The following SCN10A variants were observed in gnomAD, a reference collection of about 807,000 sequenced individuals.
The protein encoded by SCN10A is sodium voltage-gated channel alpha subunit 10.
In SCN10A, 162 loss-of-function variants were observed where a neutral mutation model predicts 170.7. The observed-to-expected ratio is 0.95, with a 90% CI of 0.84 to 1.08. SCN10A has a LOEUF of 1.08. Ranked by LOEUF, SCN10A falls within the 50% of genes least tolerant of loss-of-function variation. The pLI is 0.00. For missense variants in SCN10A, 2,527 were observed against 2,436.9 expected (o/e 1.04, Z -0.78); for synonymous variants, 985 against 904.6 (o/e 1.09, Z -1.59).
chr3:38,760,651 C>G, intron 8 of SCN10A, 30 bp downstream of exon 8: 1 of 1,579,020 alleles, frequency 6.3e-7, no homozygotes. Flanking sequence ...TTGTTGGGCA[C>G]TCGTGCTTTG....
In SCN10A at chr3:38,728,771, A is replaced by G; in HGVS notation, c.2411T>C (p.Val804Ala). ...GTTTTCCCCTAGGAGCTGCTTGCCA[A>G]CCAGAGCAAAGACAAAGACAATGAT... Reference protein sequence around the residue: ...LAIIVFVFALVGKQLLGENYR... With the variant: ...LAIIVFVFALAGKQLLGENYR... The change falls in exon 16 of 28, where the codon GTT becomes GCT. Residue 804 changes from valine (V) to alanine (A), a missense_variant. Coordinates refer to ENST00000449082, the MANE Select transcript of SCN10A (RefSeq NM_006514.4). 1.9e-6 allele frequency: 3 copies of G among 1,614,110 alleles called. No individual in the cohort carries two copies. Among genetic ancestry groups the G allele is most frequent in the East Asian group, 2.2e-5 (1 of 44,872 alleles).
intron 13 of SCN10A, among the ~76,000 whole-genome samples, chr3:38,749,807 G>T (rs2063728428): frequency 6.6e-6 from 1 of 152,170 alleles, no homozygotes; most frequent in South Asian, 2.1e-4. Context: ...ATCTAGTTTT[G>T]TGATGCATGC....
intron 5 of SCN10A, 76 bp downstream of exon 5, chr3:38,771,203 T>A (rs2063994840): frequency 1.3e-6 from 2 of 1,540,146 alleles, no homozygotes; most frequent in African/African-American, 2.7e-5. Flanking sequence ...GGGACCTGCA[T>A]GTTAGCCCTG....
intron 19 of SCN10A, among the ~76,000 whole-genome samples, chr3:38,722,882 G>T (rs1163777477): frequency 6.6e-6 from 1 of 152,162 alleles, no homozygotes; most frequent in African/African-American, 2.4e-5. Flanking sequence ...ATTTTTCTTT[G>T]TATTTTTAGA....
At chr3:38,764,404 T>C (rs899674849) in intron 5 of SCN10A, among the ~76,000 whole-genome samples, 1 of 152,174 alleles carries the variant, frequency 6.6e-6, no homozygotes, top group Non-Finnish European at 1.5e-5. Context: ...AAGTCCATTA[T>C]GTCATTGTTA....
chr3:38,699,994 A>G (rs1375941048), intron 27 of SCN10A, among the ~76,000 whole-genome samples: 9 of 152,230 alleles, frequency 5.9e-5, no homozygotes, highest in Admixed American at 5.9e-4. Flanking sequence ...TATCCCCATC[A>G]TAGAACTAAG....
intron 26 of SCN10A, among the ~76,000 whole-genome samples, chr3:38,704,331 A>G (rs1196004888): frequency 6.6e-6 from 1 of 152,194 alleles, no homozygotes; most frequent in Non-Finnish European, 1.5e-5. Context: ...AATCCCTTCC[A>G]TTTCATCACT....
intron 1 of SCN10A, among the ~76,000 whole-genome samples, chr3:38,798,123 C>T (rs1052506230): frequency 6.6e-6 from 1 of 152,062 alleles, no homozygotes; most frequent in African/African-American, 2.4e-5. Flanking sequence ...TATCTGAGAG[C>T]TATTTCTAGG....
At chr3:38,752,040 C>T (rs1035253571) in intron 12 of SCN10A, among the ~76,000 whole-genome samples, 179 bp downstream of exon 12, 1 of 152,116 alleles carries the variant, frequency 6.6e-6, no homozygotes, top group South Asian at 2.1e-4. Context: ...CTCAGGCCAA[C>T]TCAATCTCTC....
chr3:38,783,122 GACTTC>G (rs1453484837), intron 4 of SCN10A, among the ~76,000 whole-genome samples: 1 of 152,004 alleles, frequency 6.6e-6, no homozygotes, highest in Non-Finnish European at 1.5e-5. Context: ...CTACTCTTGT[GACTTC>G]ATTTAACCCA....
rs190531276 is a variant in SCN10A at position 38,699,311 on chromosome 3, T to A, written c.4658-749A>T. On this transcript the variant is annotated intron_variant, in intron 27 of 27. Coordinates refer to ENST00000449082, the MANE Select transcript of SCN10A (RefSeq NM_006514.4). ...CCCCCAACTCCAACTATGAACAAAG[T>A]TGGAAATATAAAGAATGTATATGTC... Among the ~76,000 whole-genome samples the A allele has an allele frequency of 6.0e-4, 91 of 152,018 alleles. 1 individual carries two copies. The highest frequency in any genetic ancestry group is 5.6e-3 in the Admixed American group (85 of 15,256).
At chr3:38,770,482 G>A (rs1426541906) in intron 5 of SCN10A, among the ~76,000 whole-genome samples, 3 of 152,030 alleles carry the variant, frequency 2.0e-5, no homozygotes, top group African/African-American at 7.2e-5. Flanking sequence ...GTGTTCCAGA[G>A]GGAATTTTGG....
At position 38,757,078 on chromosome 3, in the gene SCN10A, C is replaced by T. The variant is rs757382094; in HGVS notation, c.1032G>A (p.Trp344Ter). The T allele has an allele frequency of 1.9e-6, 3 of 1,613,802 alleles. No homozygotes were observed. In the Admixed American group the frequency reaches 5.0e-5, roughly 27 times the overall value. The change falls in exon 9 of 28, where the codon TGG (tryptophan) becomes TGA (stop). Residue 344 changes from tryptophan (W) to a stop codon, truncating the protein, a stop_gained. Transcript: ENST00000449082. LOFTEE classifies it high-confidence loss of function. ...FNYTSFDSFA[W>*]AFLSLFRLMT... ...TGAGGCGGAACAGTGAGAGGAAAGC[C>T]CAAGCAAAGGAATCAAAGCTGGTGT...
At position 38,793,912 on chromosome 3, in the gene SCN10A, T is replaced by C. The variant is rs2064318688; in HGVS notation, c.99A>G (p.Gly33=). Residue 33 remains glycine (G), a synonymous_variant, in exon 2 of 28, where the codon GGA becomes GGG. Coordinates refer to ENST00000449082, the MANE Select transcript of SCN10A (RefSeq NM_006514.4). The part of the protein sequence containing the change: ...EIEKQIAAKQ[G]TKKAREKHRE... ...TATGCTTCTCTCTGGCTTTCTTTGT[T>C]CCCTGCTTGGCAGCAATTTGCTTCT... 2 of 1,613,970 alleles carry C rather than the reference T, an allele frequency of 1.2e-6. No individual in the cohort carries two copies. Among genetic ancestry groups the C allele is most frequent in the Non-Finnish European group, 1.7e-6 (2 of 1,179,966 alleles).
chr3:38,783,054 A>G (rs1409352712), intron 4 of SCN10A, among the ~76,000 whole-genome samples: 1 of 152,078 alleles, frequency 6.6e-6, no homozygotes, highest in Non-Finnish European at 1.5e-5. Context: ...TTCTCACACA[A>G]AGGGGAGAAA....
At chr3:38,813,964 T>C (rs990448125) in intron 1 of SCN10A, among the ~76,000 whole-genome samples, 2 of 152,186 alleles carry the variant, frequency 1.3e-5, no homozygotes, top group African/African-American at 2.4e-5. Context: ...GCTGCTAATA[T>C]GTGCAAAGTT....
In SCN10A at chr3:38,697,925, C is replaced by T. The variant is rs145313578; in HGVS notation, c.5295G>A (p.Ser1765=). ...ATQFITFSAL[S]DFADTLSGPL... ...GACCAGAGAGAGTGTCTGCAAAGTC[C>T]GAGAGAGCAGAAAAGGTAATAAACT... Residue 1765 remains serine (S), a synonymous_variant, in exon 28 of 28, where the codon TCG becomes TCA. Transcript: ENST00000449082. The T allele has an allele frequency of 1.1e-3, 1,819 of 1,613,978 alleles. 3 individuals carry two copies. Among genetic ancestry groups the T allele is most frequent in the Middle Eastern group, 1.3e-3 (8 of 6,062 alleles).
chr3:38,786,395 G>A (rs112666781), intron 4 of SCN10A, among the ~76,000 whole-genome samples: 3,439 of 152,054 alleles, frequency 0.023, 98 homozygotes, highest in East Asian at 0.071. Flanking sequence ...ACCAAACACC[G>A]CATGTTCTCA....
intron 15 of SCN10A, among the ~76,000 whole-genome samples, chr3:38,738,514 T>C (rs1219626113): frequency 6.6e-6 from 1 of 152,180 alleles, no homozygotes; most frequent in African/African-American, 2.4e-5. Context: ...TCCTGAACCA[T>C]GCACCCCCTT....
Sources: gnomAD v4.1 joint callset for allele counts (sites outside exome capture counted in the v4.1 genomes callset) on GRCh38, gnomAD v4.1.1 for gene constraint, MANE v1.5 for transcripts, NCBI Gene and HGNC (gene_info 2026-07-23, HGNC 2026-07-21) for gene names.